The following GPC5 variants were observed in gnomAD, a reference collection of about 807,000 sequenced individuals.
GPC5 encodes the protein glypican 5, also known as glypican-5.
A neutral mutation model predicts 53.9 loss-of-function variants in GPC5; 47 were observed. That is an observed-to-expected ratio of 0.87 (90% CI 0.69 to 1.11). The LOEUF (loss-of-function observed/expected upper bound fraction) is 1.11. Ranked by LOEUF, GPC5 falls within the 50% of genes most tolerant of loss-of-function variation. The pLI, the probability that GPC5 is intolerant of heterozygous loss-of-function variation, is 0.00. For missense variants in GPC5, 748 were observed against 713.1 expected, an observed-to-expected ratio of 1.05 and a Z score of -0.56; for synonymous variants, 286 against 263.3, an observed-to-expected ratio of 1.09 and a Z score of -0.84.
intron 7 of GPC5, among the ~76,000 whole-genome samples, chr13:92,853,343 G>C (rs1878877816): frequency 6.6e-6 from 1 of 152,130 alleles, no homozygotes; most frequent in South Asian, 2.1e-4. Context: ...TGTAGTTTAT[G>C]ATGATTTATT....
At chr13:91,750,823 C>T (rs1264849719) in intron 4 of GPC5, among the ~76,000 whole-genome samples, 6 of 151,882 alleles carry the variant, frequency 4.0e-5, no homozygotes, top group East Asian at 1.9e-4. Flanking sequence ...CCACCATGCC[C>T]GGCTAATTTT....
intron 7 of GPC5, among the ~76,000 whole-genome samples, chr13:92,589,912 T>C (rs1018143651): frequency 9.2e-5 from 14 of 152,172 alleles, no homozygotes; most frequent in Admixed American, 3.9e-4. Flanking sequence ...CCAAATTAAC[T>C]AGTTCACTGC....
intron 5 of GPC5, among the ~76,000 whole-genome samples, chr13:91,807,055 C>T (rs1327067402): frequency 6.6e-6 from 1 of 152,000 alleles, no homozygotes; most frequent in Non-Finnish European, 1.5e-5. Context: ...AGCCTGCTTC[C>T]CACACCAACT....
chr13:92,040,342 G>T lies in GPC5; in HGVS notation c.1402-104488G>T, dbSNP rs140487766. Reference sequence around the variant, plus strand: ...CCCCATCTGAGTGACTGGGGTGTGTGTGAGTGTGCGCCGCAATAGAATGGT... The same window carrying T: ...CCCCATCTGAGTGACTGGGGTGTGTTTGAGTGTGCGCCGCAATAGAATGGT... On this transcript the variant is annotated intron_variant, in intron 6 of 7. Transcript: ENST00000377067. 7.9e-5 allele frequency among the ~76,000 whole-genome samples: 12 copies of T among 152,292 alleles called. No individual in the cohort carries two copies. The East Asian group carries it at 2.1e-3, about 27-fold the overall frequency.
chr13:91,915,032 CCTT>C (rs2039645387), intron 6 of GPC5, among the ~76,000 whole-genome samples: 1 of 152,116 alleles, frequency 6.6e-6, no homozygotes, highest in African/African-American at 2.4e-5. Flanking sequence ...AGACTCTTTC[CCTT>C]CTTTGGAGAA....
chr13:91,838,732 G>A (rs1319736699), intron 5 of GPC5, among the ~76,000 whole-genome samples: 2 of 152,232 alleles, frequency 1.3e-5, no homozygotes, highest in African/African-American at 4.8e-5. Context: ...CACTGTCGTC[G>A]CTATGCAAGG....
intron 7 of GPC5, among the ~76,000 whole-genome samples, chr13:92,485,040 A>C (rs1431351457): frequency 6.6e-6 from 1 of 151,982 alleles, no homozygotes; most frequent in Admixed American, 6.6e-5. Context: ...CTGGCCTTGA[A>C]TAGAGATTTG....
intron 6 of GPC5, among the ~76,000 whole-genome samples, chr13:92,056,836 T>C (rs569371695): frequency 6.6e-6 from 1 of 152,220 alleles, no homozygotes; most frequent in Non-Finnish European, 1.5e-5. Context: ...GACACTGTTA[T>C]CAAGTTCATA....
intron 7 of GPC5, among the ~76,000 whole-genome samples, chr13:92,356,747 G>T (rs115290020): frequency 5.3e-5 from 8 of 152,272 alleles, no homozygotes; most frequent in African/African-American, 1.9e-4. Flanking sequence ...ATGCAGGCTT[G>T]TTACGTAGGT....
chr13:92,325,377 G>A (rs1392498109), intron 7 of GPC5, among the ~76,000 whole-genome samples: 1 of 151,986 alleles, frequency 6.6e-6, no homozygotes, highest in African/African-American at 2.4e-5. Flanking sequence ...CAGTCAAACC[G>A]AACTTGCTAA....
At chr13:92,787,879 A>AG (rs1272907975) in intron 7 of GPC5, among the ~76,000 whole-genome samples, 1 of 149,386 alleles carries the variant, frequency 6.7e-6, no homozygotes, top group Non-Finnish European at 1.5e-5. Flanking sequence ...CCTGTCTCAA[A>AG]AAAAAAAAAA....
intron 7 of GPC5, among the ~76,000 whole-genome samples, chr13:92,310,660 C>A: frequency 6.6e-6 from 1 of 152,156 alleles, no homozygotes; most frequent in Non-Finnish European, 1.5e-5. Context: ...GATAGGCCTT[C>A]CCAATTGTTT....
intron 2 of GPC5, among the ~76,000 whole-genome samples, chr13:91,484,165 A>C (rs1450834335): frequency 6.6e-6 from 1 of 152,128 alleles, no homozygotes; most frequent in Non-Finnish European, 1.5e-5. Flanking sequence ...TTGCTACTTA[A>C]GTTAATTTTC....
intron 2 of GPC5, among the ~76,000 whole-genome samples, chr13:91,500,644 T>C (rs1020050694): frequency 6.6e-6 from 1 of 152,232 alleles, no homozygotes; most frequent in Non-Finnish European, 1.5e-5. Flanking sequence ...GGAGATTTTA[T>C]TTATTTATTT....
intron 2 of GPC5, chr13:91,486,320 A>G (rs1442646976): frequency 6.6e-6 from 1 of 152,178 alleles, no homozygotes; most frequent in East Asian, 1.9e-4. Flanking sequence ...TGCAGTTGAC[A>G]ATTTGCCTCT....
intron 4 of GPC5, among the ~76,000 whole-genome samples, chr13:91,736,674 G>C (rs2036822255): frequency 6.6e-6 from 1 of 151,136 alleles, no homozygotes; most frequent in East Asian, 1.9e-4. Flanking sequence ...CATACAAAAG[G>C]GAAGTAAAAA....
chr13:91,908,676 A>G (rs2039580105), intron 6 of GPC5, among the ~76,000 whole-genome samples: 1 of 152,150 alleles, frequency 6.6e-6, no homozygotes, highest in African/African-American at 2.4e-5. Context: ...TTTCACTGAA[A>G]TAGTCTATTA....
intron 5 of GPC5, among the ~76,000 whole-genome samples, chr13:91,892,138 C>T (rs1206731965): frequency 1.3e-5 from 2 of 151,826 alleles, no homozygotes; most frequent in African/African-American, 2.4e-5. Flanking sequence ...GTTAACACAA[C>T]AAAAAATATG....
chr13:92,628,615 CTG>C (rs1179577322), intron 7 of GPC5, among the ~76,000 whole-genome samples: 4 of 152,096 alleles, frequency 2.6e-5, no homozygotes, highest in Non-Finnish European at 4.4e-5. Flanking sequence ...CCCAGCATCA[CTG>C]TGACTAAACT....
Sources: gnomAD v4.1 joint callset for allele counts (sites outside exome capture counted in the v4.1 genomes callset) on GRCh38, gnomAD v4.1.1 for gene constraint, MANE v1.5 for transcripts, NCBI Gene and HGNC (gene_info 2026-07-23, HGNC 2026-07-21) for gene names.